Variants in ROBO2 observed in about 807,000 individuals in gnomAD.
ROBO2 encodes the protein roundabout guidance receptor 2.
Under a neutral mutation model 160.8 loss-of-function variants are expected in ROBO2, and 53 were observed. The observed-to-expected ratio is 0.33, with a 90% CI of 0.26 to 0.41. The LOEUF (loss-of-function observed/expected upper bound fraction) is 0.41. ROBO2 is among the 10% of genes least tolerant of loss of function. The probability of loss-of-function intolerance (pLI) is 1.00; values close to 1 mark genes in which losing one functional copy is unlikely to be tolerated. For synonymous variants in ROBO2, 664 were observed against 611.7 expected (o/e 1.09, Z -1.26); for missense variants, 1,577 against 1,722.4 (o/e 0.92, Z 1.49).
chr3:77,022,627 C>T (rs967470446), intron 2 of ROBO2, among the ~76,000 whole-genome samples: 7 of 152,130 alleles, frequency 4.6e-5, no homozygotes, highest in African/African-American at 1.4e-4. Context: ...CCTCATGTCA[C>T]ATAAAACTTT....
At chr3:75,951,883 A>G (rs890938536) in intron 2 of ROBO2, among the ~76,000 whole-genome samples, 2 of 152,010 alleles carry the variant, frequency 1.3e-5, no homozygotes, top group Admixed American at 1.3e-4. Context: ...CATTTTGCTT[A>G]TTCTCAGCAA....
At position 75,999,043 on chromosome 3, in the gene ROBO2, G is replaced by GT. The variant is rs1253212212; in HGVS notation, c.109+61442dup. 2.0e-5 allele frequency among the ~76,000 whole-genome samples: 3 copies of GT among 152,160 alleles called. No homozygotes were observed. In the East Asian group the frequency reaches 5.8e-4, roughly 29 times the overall value. Reference sequence around the variant, plus strand: ...CGTTCCTTGGAGGTGGTAGAGTGTAGTGAATAGTCAAACAGCTTCTGGGTT... The same window carrying GT: ...CGTTCCTTGGAGGTGGTAGAGTGTAGTTGAATAGTCAAACAGCTTCTGGGTT... On this transcript the variant is annotated intron_variant, in intron 2 of 26. Coordinates refer to the ROBO2 transcript ENST00000487694.
At chr3:77,582,392 T>C (rs1418973159) in intron 16 of ROBO2, among the ~76,000 whole-genome samples, 1 of 151,496 alleles carries the variant, frequency 6.6e-6, no homozygotes, top group Admixed American at 6.6e-5. Context: ...GCCAGTCTTG[T>C]TTTTTTTTAA....
At chr3:75,916,525 T>G (rs768809719) in intron 1 of ROBO2, among the ~76,000 whole-genome samples, 1 of 152,274 alleles carries the variant, frequency 6.6e-6, no homozygotes, top group Middle Eastern at 3.4e-3. Flanking sequence ...ACAGATAATT[T>G]TATTCAGAGA....
intron 2 of ROBO2, among the ~76,000 whole-genome samples, chr3:77,275,731 A>G (rs547969161): frequency 6.6e-6 from 1 of 152,286 alleles, no homozygotes; most frequent in South Asian, 2.1e-4. Flanking sequence ...AAAGTTTAAT[A>G]GTATAAATTG....
intron 2 of ROBO2, among the ~76,000 whole-genome samples, chr3:76,813,790 A>G (rs577031578): frequency 5.9e-5 from 9 of 152,128 alleles, no homozygotes; most frequent in Non-Finnish European, 1.3e-4. Flanking sequence ...ATAATTGAAG[A>G]TGAAAAGGAG....
At chr3:77,345,636 G>T (rs9823340) in intron 2 of ROBO2, among the ~76,000 whole-genome samples, 47,540 of 151,866 alleles carry the variant, frequency 0.31, 7,936 homozygotes, top group Non-Finnish European at 0.38. Flanking sequence ...AGTTTGTAGG[G>T]TACACACTTA....
At chr3:76,612,544 C>A (rs1363019608) in intron 2 of ROBO2, among the ~76,000 whole-genome samples, 1 of 152,036 alleles carries the variant, frequency 6.6e-6, no homozygotes, top group African/African-American at 2.4e-5. Context: ...GTACCAGGCC[C>A]TGTTTGGGGT....
At chr3:76,029,099 G>T (rs1023627652) in intron 2 of ROBO2, among the ~76,000 whole-genome samples, 1 of 152,014 alleles carries the variant, frequency 6.6e-6, no homozygotes, top group Non-Finnish European at 1.5e-5. Context: ...TGACAGTTTA[G>T]CTAAAAGTAG....
Position 76,606,494 on chromosome 3 carries a change from G to A in ROBO2, c.110-491520G>A, listed in dbSNP as rs758312982. The stretch of plus-strand genomic sequence containing the variant: ...TCTTCAGCCTTTTGATAAAAGAAGG[G>A]CAACCTAAATGTAATTATTATTTTA... On this transcript the variant is annotated intron_variant, in intron 2 of 26. Transcript: ENST00000487694. 4.6e-5 allele frequency among the ~76,000 whole-genome samples: 7 copies of A among 152,228 alleles called. No homozygotes were observed. The East Asian group carries it at 9.7e-4, about 21-fold the overall frequency.
chr3:76,229,411 C>T (rs1454755775), intron 2 of ROBO2, among the ~76,000 whole-genome samples: 1 of 71,860 alleles, frequency 1.4e-5, no homozygotes, highest in African/African-American at 3.0e-5. Context: ...TTAGTTGTAT[C>T]ATCATTTCAA....
At chr3:76,243,960 G>A (rs1217087425) in intron 2 of ROBO2, among the ~76,000 whole-genome samples, 2 of 151,970 alleles carry the variant, frequency 1.3e-5, no homozygotes, top group Non-Finnish European at 2.9e-5. Context: ...AGGGAGCTTG[G>A]GGGAGGAGCT....
At chr3:76,396,910 A>G (rs2077490340) in intron 2 of ROBO2, among the ~76,000 whole-genome samples, 1 of 152,186 alleles carries the variant, frequency 6.6e-6, no homozygotes, top group South Asian at 2.1e-4. Flanking sequence ...AAGGTAATTT[A>G]TAGGTTCAAT....
At chr3:76,279,874 T>C (rs1708139579) in intron 2 of ROBO2, among the ~76,000 whole-genome samples, 1 of 151,988 alleles carries the variant, frequency 6.6e-6, no homozygotes, top group Non-Finnish European at 1.5e-5. Context: ...CTGACCACTG[T>C]TTTGGGATTG....
At chr3:76,629,061 C>G (rs2089858849) in intron 2 of ROBO2, among the ~76,000 whole-genome samples, 1 of 152,120 alleles carries the variant, frequency 6.6e-6, no homozygotes, top group South Asian at 2.1e-4. Flanking sequence ...ATCTCTCATC[C>G]AGGTTCCCTT....
intron 2 of ROBO2, among the ~76,000 whole-genome samples, chr3:76,493,113 T>C (rs892633091): frequency 6.6e-6 from 1 of 151,860 alleles, no homozygotes; most frequent in Non-Finnish European, 1.5e-5. Flanking sequence ...CATAGCGTTG[T>C]GGCTGTCTCA....
chr3:76,109,891 G>A (rs1329403111), intron 2 of ROBO2, among the ~76,000 whole-genome samples: 1 of 151,692 alleles, frequency 6.6e-6, no homozygotes, highest in Non-Finnish European at 1.5e-5. Context: ...CTTTTGTTTA[G>A]TTCCCACTTA....
chr3:77,488,793 C>T lies in ROBO2; in HGVS notation c.668-4451C>T, dbSNP rs115044482. Among the ~76,000 whole-genome samples the T allele has an allele frequency of 7.5e-3, 1,139 of 152,276 alleles. 15 individuals are homozygous for T. The highest frequency in any genetic ancestry group is 0.024 in the African/African-American group (999 of 41,562). On this transcript the variant is annotated intron_variant, in intron 4 of 25. Coordinates refer to ENST00000461745, the Ensembl canonical transcript of ROBO2. ...AACGGTTGCCACTGCAGATCCAACG[C>T]ATTTGAAATACATTTTTGGCCTGTA...
exon 21 of ROBO2, chr3:77,607,870 C>T (rs1023777442): frequency 6.8e-6 from 11 of 1,613,918 alleles, no homozygotes; most frequent in Non-Finnish European, 9.3e-6. Flanking sequence ...TCCACTTGGG[C>T]CAATGTCCCT....
Sources: gnomAD v4.1 joint callset for allele counts (sites outside exome capture counted in the v4.1 genomes callset) on GRCh38, gnomAD v4.1.1 for gene constraint, MANE v1.5 for transcripts, NCBI Gene and HGNC (gene_info 2026-07-23, HGNC 2026-07-21) for gene names.